The following VWF variants were observed in gnomAD, a reference collection of about 807,000 sequenced individuals.
VWF encodes the protein von Willebrand factor, also known as Factor VIII related antigen.
A neutral mutation model predicts 308.6 loss-of-function variants in VWF; 176 were observed. The observed-to-expected ratio is 0.57, with a 90% CI of 0.50 to 0.65. The LOEUF (loss-of-function observed/expected upper bound fraction) is 0.65, where lower values mean the gene tolerates loss of function less well. Ranked by LOEUF, VWF falls within the 30% of genes least tolerant of loss-of-function variation. VWF has a pLI of 0.00. For missense variants in VWF, 3,146 were observed against 3,648.2 expected (o/e 0.86, Z 3.55); for synonymous variants, 1,385 against 1,443.4 (o/e 0.96, Z 0.92).
At chr12:5,959,905 T>G (rs1199427376) in intron 47 of VWF, among the ~76,000 whole-genome samples, 1 of 151,232 alleles carries the variant, frequency 6.6e-6, no homozygotes, top group Non-Finnish European at 1.5e-5. Context: ...GCTTCCATAT[T>G]AAGATGCTAG....
At chr12:5,964,250 G>GCATACATACATACATACATA in intron 47 of VWF, among the ~76,000 whole-genome samples, 1 of 122,408 alleles carries the variant, frequency 8.2e-6, no homozygotes, top group Admixed American at 7.5e-5. Context: ...ATACATACAT[G>GCATACATACATACATACATA]CATACATACA....
chr12:6,099,318 CAAAA>C (rs1177262693), intron 5 of VWF, among the ~76,000 whole-genome samples: 3 of 65,606 alleles, frequency 4.6e-5, no homozygotes, highest in East Asian at 5.6e-4. Flanking sequence ...GACTCTATCT[CAAAA>C]AAAAAAAAAA....
intron 1 of VWF, among the ~76,000 whole-genome samples, chr12:6,124,088 G>A (rs141767603): frequency 3.9e-5 from 6 of 152,184 alleles, no homozygotes; most frequent in South Asian, 2.1e-4. Flanking sequence ...GCCAGGTCTC[G>A]GTCTCCAAGC....
intron 38 of VWF, among the ~76,000 whole-genome samples, chr12:5,986,042 T>C (rs141845526): frequency 4.7e-4 from 72 of 152,324 alleles, no homozygotes; most frequent in African/African-American, 1.5e-3. Context: ...GAAATTGACT[T>C]CAGACAATAG....
At chr12:6,104,610 T>C (rs1472179591) in intron 5 of VWF, among the ~76,000 whole-genome samples, 2 of 151,690 alleles carry the variant, frequency 1.3e-5, no homozygotes, top group Non-Finnish European at 2.9e-5. Flanking sequence ...GGCAGGAGAA[T>C]TGCTTGAACC....
intron 5 of VWF, 59 bp downstream of exon 5, chr12:6,110,315 A>G: frequency 6.4e-7 from 1 of 1,570,984 alleles, no homozygotes; most frequent in Non-Finnish European, 8.8e-7. Flanking sequence ...AAGGTTTATG[A>G]GCAAGGAAAT....
In VWF at chr12:5,985,049, C is replaced by T. The variant is rs1284592964; in HGVS notation, c.6972G>A (p.Glu2324=). Residue 2324 remains glutamate, a synonymous_variant, in exon 40 of 52, where the codon GAG becomes GAA. Transcript: ENST00000261405. ...TCCCCCTGGTGGGACACATACCACA[C>T]TCATACTCGGGGCAGCACTGGTCTG... The part of the protein sequence containing the change: ...QNADQCCPEY[E]CVCDPVSCDL... 6.2e-7 allele frequency: 1 copy of T among 1,614,096 alleles called. No homozygotes were observed. Among genetic ancestry groups the T allele is most frequent in the Admixed American group, 1.7e-5 (1 of 60,014 alleles).
chr12:5,986,065 G>C (rs188743312), intron 38 of VWF, among the ~76,000 whole-genome samples: 2 of 152,180 alleles, frequency 1.3e-5, no homozygotes, highest in East Asian at 3.8e-4. Flanking sequence ...TAGGAAGAGC[G>C]GTGGGGAGGA....
At chr12:6,123,002 CCT>C in intron 2 of VWF, 138 bp downstream of exon 2, 1 of 1,066,382 alleles carries the variant, frequency 9.4e-7, no homozygotes, top group Non-Finnish European at 1.5e-6. Context: ...CTCCGCAGAA[CCT>C]TCACAGGAGG....
chr12:5,968,267 C>T (rs1283782727), intron 45 of VWF, 100 bp from the exon 46 acceptor site: 2 of 1,462,418 alleles, frequency 1.4e-6, no homozygotes, highest in South Asian at 1.2e-5. Context: ...CGTGTCTGGG[C>T]CTCCCTCCTG....
intron 13 of VWF, among the ~76,000 whole-genome samples, chr12:6,059,269 T>TC: frequency 6.6e-6 from 1 of 152,272 alleles, no homozygotes; most frequent in Middle Eastern, 3.4e-3. Flanking sequence ...CTGCTTTATT[T>TC]CCCCCAGGAT....
chr12:6,078,254 AGGGGCTGCTTGTATTCATCTTTCATTTG>A (rs1944867770), intron 6 of VWF, among the ~76,000 whole-genome samples: 1 of 152,126 alleles, frequency 6.6e-6, no homozygotes, highest in African/African-American at 2.4e-5. Flanking sequence ...TAGGGAACAG[AGGGGCTGCTTGTATTCATCTTTCATTTG>A]GGAAGTTCAC....
intron 42 of VWF, among the ~76,000 whole-genome samples, chr12:5,980,925 A>G (rs921525860): frequency 5.3e-5 from 8 of 149,572 alleles, no homozygotes; most frequent in Admixed American, 4.0e-4. Context: ...TCACTTTCCC[A>G]CTCCATCAAT....
rs1555193386 is a variant in VWF, at chr12:5,999,503, C to CACACA, written c.5843-3282_5843-3281insTGTGT. Among the ~76,000 whole-genome samples, 6 of 149,408 alleles carry CACACA rather than the reference C, an allele frequency of 4.0e-5. No individual in the cohort carries two copies. In the South Asian group the frequency reaches 8.5e-4, roughly 21 times the overall value. On this transcript the variant is annotated intron_variant, in intron 34 of 51. Coordinates refer to ENST00000261405, the MANE Select transcript of VWF (RefSeq NM_000552.5). ...ACACACACACACACACACACACACA[C>CACACA]CACTAAGGAAATGACTTTTCTATAC... is the stretch of plus-strand genomic sequence containing the variant.
At chr12:6,110,055 T>C (rs1690469632) in intron 5 of VWF, among the ~76,000 whole-genome samples, 1 of 152,150 alleles carries the variant, frequency 6.6e-6, no homozygotes, top group Non-Finnish European at 1.5e-5. Context: ...GACCACTCCA[T>C]AGATTTTATC....
intron 38 of VWF, among the ~76,000 whole-genome samples, chr12:5,987,929 T>C (rs572341061): frequency 6.5e-4 from 99 of 152,386 alleles, no homozygotes; most frequent in African/African-American, 2.3e-3. Flanking sequence ...TGTGTACATA[T>C]GTCAAAACCT....
In VWF at chr12:6,022,034, C is replaced by T. The variant is rs751606322; in HGVS notation, c.3540G>A (p.Gly1180=). 2 of 1,614,146 alleles carry T rather than the reference C, an allele frequency of 1.2e-6. No individual in the cohort carries two copies. The highest frequency in any genetic ancestry group is 8.5e-7 in the Non-Finnish European group (1 of 1,180,016). The change falls in exon 27 of 52, where the codon GGG becomes GGA. Residue 1180 remains glycine (G), a splice_region_variant and synonymous_variant. Coordinates refer to ENST00000261405, the MANE Select transcript of VWF (RefSeq NM_000552.5). The part of the protein sequence containing the change: ...VEGCHAHCPP[G]KILDELLQTC... Reference sequence around the variant, plus strand: ...TCTGCAAAAGCTCATCCAGGATTTTCCCTGCAAAAGAAAGCTCTCATTAGG... The same window carrying T: ...TCTGCAAAAGCTCATCCAGGATTTTTCCTGCAAAAGAAAGCTCTCATTAGG...
intron 38 of VWF, 143 bp from the exon 39 acceptor site, chr12:5,985,808 CA>C: frequency 1.3e-6 from 1 of 793,276 alleles, no homozygotes; most frequent in Non-Finnish European, 2.1e-6. Flanking sequence ...CAAACAAAAG[CA>C]GGCTGAAAGG....
At chr12:6,054,863 G>C (rs1453802601) in intron 15 of VWF, among the ~76,000 whole-genome samples, 1 of 152,210 alleles carries the variant, frequency 6.6e-6, no homozygotes, top group Non-Finnish European at 1.5e-5. Context: ...AGTGGGTAGA[G>C]GGGACAGCTG....
Sources: allele counts gnomAD v4.1 joint callset (sites outside exome capture counted in the v4.1 genomes callset), GRCh38; gene constraint gnomAD v4.1.1; transcripts MANE v1.5; gene names NCBI Gene and HGNC (gene_info 2026-07-23, HGNC 2026-07-21).